TAF12: variants seen among roughly 807,000 people sequenced by gnomAD.
TAF12 encodes the protein transcription initiation factor TFIID subunit 12.
In TAF12, 3 loss-of-function variants were observed where a neutral mutation model predicts 20.8. The ratio of observed to expected loss-of-function variants is 0.14; its 90% CI spans 0.07 to 0.37. TAF12 has a LOEUF of 0.37. Among genes scored for constraint, TAF12 ranks in the 10% least tolerant of loss-of-function variants. TAF12 has a pLI of 1.00. For synonymous variants in TAF12, 69 were observed against 70.2 expected, an observed-to-expected ratio of 0.98 and a Z score of 0.09; for missense variants, 131 against 197.9, an observed-to-expected ratio of 0.66 and a Z score of 2.03.
At chr1:28,625,521 C>G (rs1447055596) in intron 1 of TAF12, among the ~76,000 whole-genome samples, 2 of 151,918 alleles carry the variant, frequency 1.3e-5, no homozygotes, top group African/African-American at 4.8e-5. Flanking sequence ...CATGTGCACA[C>G]CACTGCACCC....
intron 1 of TAF12, among the ~76,000 whole-genome samples, chr1:28,635,491 G>A (rs1420200047): frequency 6.6e-6 from 1 of 151,258 alleles, no homozygotes; most frequent in African/African-American, 2.4e-5. Context: ...ATTTTTAGTA[G>A]ACATGGGGTT....
At chr1:28,607,428 C>T (rs920222685) in intron 4 of TAF12, among the ~76,000 whole-genome samples, 8 of 151,910 alleles carry the variant, frequency 5.3e-5, no homozygotes, top group African/African-American at 1.2e-4. Context: ...CCCAGCACTT[C>T]GGGAGGCCAA....
chr1:28,619,679 G>A lies in TAF12; in HGVS notation c.169-1649C>T, dbSNP rs1246888555. 5.6e-5 allele frequency among the ~76,000 whole-genome samples: 8 copies of A among 143,078 alleles called. No homozygotes were observed. The South Asian group carries it at 1.3e-3, about 24-fold the overall frequency. 93.9% of individuals were successfully genotyped at this position (143,078 alleles called of 152,430 possible). ...AAAAAAAAAAAAAAAAGCCGGGTAC[G>A]GTGGCTCATGCCTGTAATCCTAGCA... is the stretch of plus-strand genomic sequence containing the variant. On this transcript the variant is annotated intron_variant, in intron 2 of 5. Coordinates refer to ENST00000373824, the MANE Select transcript of TAF12 (RefSeq NM_005644.4).
At chr1:28,628,556 T>C (rs1380021996) in intron 1 of TAF12, among the ~76,000 whole-genome samples, 1 of 151,544 alleles carries the variant, frequency 6.6e-6, no homozygotes, top group Non-Finnish European at 1.5e-5. Context: ...ACAAAAATGA[T>C]CTAAAATTAC....
intron 1 of TAF12, among the ~76,000 whole-genome samples, chr1:28,638,642 T>C (rs1158133696): frequency 2.0e-5 from 3 of 147,720 alleles, no homozygotes; most frequent in African/African-American, 7.5e-5. Context: ...CACGCCACTA[T>C]GTCCAGCTGA....
At chr1:28,611,818 C>T (rs1294996816) in intron 4 of TAF12, among the ~76,000 whole-genome samples, 2 of 152,124 alleles carry the variant, frequency 1.3e-5, no homozygotes, top group Admixed American at 6.6e-5. Flanking sequence ...CCCTAGGAAA[C>T]TAGTATGCCT....
chr1:28,624,643 A>G (rs1667323676), intron 1 of TAF12, among the ~76,000 whole-genome samples: 1 of 152,158 alleles, frequency 6.6e-6, no homozygotes, highest in South Asian at 2.1e-4. Flanking sequence ...GCTACTTGGG[A>G]GGCTGAGGCA....
intron 3 of TAF12, among the ~76,000 whole-genome samples, chr1:28,616,737 A>T (rs536687248): frequency 1.1e-4 from 16 of 151,826 alleles, no homozygotes; most frequent in Middle Eastern, 3.4e-3. Flanking sequence ...CTGTCTCAAA[A>T]AAATAAATAA....
chr1:28,621,495 T>A (rs533480745), intron 2 of TAF12, among the ~76,000 whole-genome samples: 4 of 152,292 alleles, frequency 2.6e-5, no homozygotes, highest in Non-Finnish European at 5.9e-5. Flanking sequence ...ACTACATGGT[T>A]AACATGTATA....
At chr1:28,635,356 A>AGT (rs1667788305) in intron 1 of TAF12, among the ~76,000 whole-genome samples, 1 of 122,210 alleles carries the variant, frequency 8.2e-6, no homozygotes, top group Non-Finnish European at 1.6e-5. Flanking sequence ...CCCAGGCTAC[A>AGT]GTGCAGTGGC....
chr1:28,616,834 A>C (rs1328286349), intron 3 of TAF12, among the ~76,000 whole-genome samples: 1 of 151,656 alleles, frequency 6.6e-6, no homozygotes, highest in Non-Finnish European at 1.5e-5. Context: ...AATCTTATAA[A>C]ATTGGCCAGG....
At chr1:28,635,781 C>A (rs1055016465) in intron 1 of TAF12, among the ~76,000 whole-genome samples, 2 of 151,278 alleles carry the variant, frequency 1.3e-5, no homozygotes, top group Admixed American at 6.6e-5. Context: ...GTTGTAAGAC[C>A]CTGGTATTCT....
At chr1:28,625,742 C>A (rs977162740) in intron 1 of TAF12, among the ~76,000 whole-genome samples, 2 of 152,018 alleles carry the variant, frequency 1.3e-5, no homozygotes, top group Admixed American at 6.6e-5. Context: ...GGGGTTTCAC[C>A]GTGTTAGCCA....
chr1:28,645,135 A>G (rs187393743), upstream of TAF12, among the ~76,000 whole-genome samples: 1 of 151,236 alleles, frequency 6.6e-6, no homozygotes, highest in African/African-American at 2.4e-5. Flanking sequence ...TCCCAGGTTC[A>G]TGCCATTCTC....
Position 28,603,099 on chromosome 1 carries a change from C to T in TAF12, c.*440G>A, listed in dbSNP as rs887958143. The T allele has an allele frequency of 6.4e-6, 1 of 155,262 alleles. No individual in the cohort carries two copies. The highest frequency in any genetic ancestry group is 1.4e-5 in the Non-Finnish European group (1 of 69,872). The allele number at this position is 155,262 out of a possible 1,614,324, so 9.6% of individuals were successfully genotyped here. On this transcript the variant is annotated 3_prime_UTR_variant, in exon 6 of 6. Coordinates refer to ENST00000373824, the MANE Select transcript of TAF12 (RefSeq NM_005644.4). ...GGGATTTCAAAGGTACCCTGTCTTT[C>T]GATTAATAACTTCTTTATTCTGGAA...
chr1:28,648,102 C>T (rs554258659), upstream of TAF12: 24 of 946,752 alleles, frequency 2.5e-5, no homozygotes, highest in Admixed American at 3.1e-4. Context: ...TTCCACTGCA[C>T]GCCTGCCTGG....
At chr1:28,631,663 CTTTA>C (rs1456723020) in intron 1 of TAF12, among the ~76,000 whole-genome samples, 3 of 152,068 alleles carry the variant, frequency 2.0e-5, no homozygotes, top group East Asian at 1.9e-4. Flanking sequence ...GACCCTGGCT[CTTTA>C]TTTATTTATT....
At chr1:28,614,352 T>A (rs1666961803) in intron 3 of TAF12, among the ~76,000 whole-genome samples, 1 of 151,628 alleles carries the variant, frequency 6.6e-6, no homozygotes, top group South Asian at 2.1e-4. Context: ...TCATTTGAGG[T>A]CAGGAGTTTG....
intron 1 of TAF12, among the ~76,000 whole-genome samples, chr1:28,637,557 C>T (rs867600662): frequency 1.3e-5 from 2 of 151,324 alleles, no homozygotes; most frequent in African/African-American, 2.4e-5. Context: ...CCCAGCTACT[C>T]GGGAGGCTGA....
Sources: allele counts gnomAD v4.1 joint callset (sites outside exome capture counted in the v4.1 genomes callset), GRCh38; gene constraint gnomAD v4.1.1; transcripts MANE v1.5; gene names NCBI Gene and HGNC (gene_info 2026-07-23, HGNC 2026-07-21).